Variants in MTUS2 observed in about 807,000 individuals in gnomAD.
The protein encoded by MTUS2 is microtubule-associated tumor suppressor candidate 2.
MTUS2 carries 40 observed loss-of-function variants against 114.1 expected under a neutral mutation model. That is an observed-to-expected ratio of 0.35 (90% CI 0.27 to 0.46). The LOEUF (loss-of-function observed/expected upper bound fraction) is 0.46. MTUS2 is among the 20% of genes least tolerant of loss of function. The probability of loss-of-function intolerance (pLI) is 1.00; values close to 1 mark genes in which losing one functional copy is unlikely to be tolerated. For synonymous variants in MTUS2, 688 were observed against 672.0 expected (o/e 1.02, Z -0.37); for missense variants, 1,679 against 1,705.4 (o/e 0.98, Z 0.27).
chr13:29,279,711 GTACATAGTTCCCTGA>G (rs1199854249), intron 5 of MTUS2, among the ~76,000 whole-genome samples: 3 of 152,182 alleles, frequency 2.0e-5, no homozygotes, highest in Admixed American at 6.5e-5. Context: ...TCAGAGGGAA[GTACATAGTTCCCTGA>G]TACTTGTACT....
rs142306606 is a variant in MTUS2, at chr13:29,143,349, T to A, written c.2644+42379T>A. ...ACAAGACAGATCTGTTTTCCTTTCA[T>A]TTTTTCTAAATTTGGTGCTCCATAT... On this transcript the variant is annotated intron_variant, in intron 5 of 15. Coordinates refer to ENST00000612955, the MANE Select transcript of MTUS2 (RefSeq NM_001033602.4). Among the ~76,000 whole-genome samples the A allele has an allele frequency of 8.3e-4, 126 of 152,346 alleles. 1 individual carries two copies. The highest frequency in any genetic ancestry group is 2.9e-3 in the African/African-American group (121 of 41,566).
In MTUS2 at chr13:29,503,404, T is replaced by A. The variant is rs1883042501; in HGVS notation, c.*198T>A. 1.6e-6 allele frequency: 1 copy of A among 616,168 alleles called. No individual in the cohort carries two copies. The highest frequency in any genetic ancestry group is 2.8e-6 in the Non-Finnish European group (1 of 351,966). The allele number at this position is 616,168 out of a possible 1,614,324, so 38.2% of individuals were successfully genotyped here. A position where few individuals can be genotyped will look rare whatever the true frequency, so the allele number is the denominator to read the frequency against. ...TTAGGAATGTGTAAATGGTAAAGTC[T>A]GATGTGCAAACGTTTTACCATAGTT... On this transcript the variant is annotated 3_prime_UTR_variant, in exon 16 of 16. Coordinates refer to ENST00000612955, the MANE Select transcript of MTUS2 (RefSeq NM_001033602.4).
At chr13:29,291,326 A>T (rs1898704612) in intron 6 of MTUS2, among the ~76,000 whole-genome samples, 1 of 152,226 alleles carries the variant, frequency 6.6e-6, no homozygotes, top group Non-Finnish European at 1.5e-5. Flanking sequence ...CGCCATGGAC[A>T]GTTCCTGAGT....
chr13:29,424,170 C>A (rs949480746), intron 8 of MTUS2, among the ~76,000 whole-genome samples: 5 of 151,828 alleles, frequency 3.3e-5, no homozygotes, highest in African/African-American at 1.2e-4. Flanking sequence ...GCCTGGCCAA[C>A]AATAATTTAT....
chr13:29,181,139 CT>C (rs1039619021), intron 5 of MTUS2, among the ~76,000 whole-genome samples: 17 of 152,048 alleles, frequency 1.1e-4, no homozygotes, highest in African/African-American at 4.1e-4. Context: ...GTGGGTGATG[CT>C]GTGAAACCAC....
At chr13:28,821,387 A>G (rs1222570806) in intron 1 of MTUS2, among the ~76,000 whole-genome samples, 3 of 152,246 alleles carry the variant, frequency 2.0e-5, no homozygotes, top group Admixed American at 6.5e-5. Context: ...ACTTATTGAT[A>G]AAAAGATCCT....
intron 5 of MTUS2, among the ~76,000 whole-genome samples, chr13:29,184,802 A>G (rs993674484): frequency 6.6e-6 from 1 of 152,224 alleles, no homozygotes. Flanking sequence ...TCTGATTTTC[A>G]AAATGCCAAT....
chr13:29,057,223 G>A (rs1888175785), intron 4 of MTUS2, among the ~76,000 whole-genome samples: 1 of 152,026 alleles, frequency 6.6e-6, no homozygotes, highest in South Asian at 2.1e-4. Flanking sequence ...CTGATTGTGT[G>A]GTCGATTTTA....
chr13:28,924,880 A>G (rs1350332416), intron 2 of MTUS2, among the ~76,000 whole-genome samples: 1 of 152,086 alleles, frequency 6.6e-6, no homozygotes, highest in Non-Finnish European at 1.5e-5. Flanking sequence ...TGAGATCTCT[A>G]CTAGATGGCG....
chr13:29,223,350 C>T (rs1360936526), intron 5 of MTUS2, among the ~76,000 whole-genome samples: 1 of 152,160 alleles, frequency 6.6e-6, no homozygotes, highest in Non-Finnish European at 1.5e-5. Flanking sequence ...CACTGTGGGC[C>T]TCCTCTTTGC....
intron 8 of MTUS2, among the ~76,000 whole-genome samples, chr13:29,421,101 G>A (rs542029430): frequency 6.6e-6 from 1 of 152,144 alleles, no homozygotes; most frequent in Admixed American, 6.5e-5. Flanking sequence ...TATATCAAAG[G>A]TGCTTCAGAG....
At chr13:29,308,760 A>T (rs1899604056) in intron 6 of MTUS2, among the ~76,000 whole-genome samples, 1 of 152,230 alleles carries the variant, frequency 6.6e-6, no homozygotes, top group Non-Finnish European at 1.5e-5. Context: ...TTCTCAAAAG[A>T]AGACATACAT....
intron 7 of MTUS2, among the ~76,000 whole-genome samples, chr13:29,351,014 G>A (rs1869219925): frequency 7.0e-6 from 1 of 142,658 alleles, no homozygotes; most frequent in South Asian, 2.3e-4. Flanking sequence ...TCAGTTCCTA[G>A]CAGCAGGGTA....
chr13:28,933,602 T>C (rs1440100899), intron 2 of MTUS2, among the ~76,000 whole-genome samples: 1 of 152,214 alleles, frequency 6.6e-6, no homozygotes, highest in African/African-American at 2.4e-5. Context: ...GGTTGCCTGC[T>C]CTATGATTGG....
In MTUS2 at chr13:29,324,677, A is replaced by G; in HGVS notation, c.2871A>G (p.Arg957=). The G allele has an allele frequency of 6.3e-7, 1 of 1,599,672 alleles. No homozygotes were observed. The highest frequency in any genetic ancestry group is 8.5e-7 in the Non-Finnish European group (1 of 1,172,796). Residue 957 remains arginine (R), a synonymous_variant, in exon 7 of 16, where the codon AGA becomes AGG. Transcript: ENST00000612955. The part of the protein sequence containing the change: ...TNKPAVSSPK[R]VAASTTKLHS... The stretch of plus-strand genomic sequence containing the variant: ...AACCTGCTGTTTCATCTCCTAAGAG[A>G]GTAGCAGCTTCAACCACCAAGCTTC...
At chr13:29,431,520 T>C (rs761646418) in intron 8 of MTUS2, among the ~76,000 whole-genome samples, 9 of 152,310 alleles carry the variant, frequency 5.9e-5, no homozygotes, top group Non-Finnish European at 8.8e-5. Flanking sequence ...GACTGGAGTA[T>C]AATTAAGTGA....
chr13:29,231,517 CA>C (rs1461121090), intron 5 of MTUS2, among the ~76,000 whole-genome samples: 2 of 152,180 alleles, frequency 1.3e-5, no homozygotes, highest in African/African-American at 4.8e-5. Context: ...ACTAATTCTT[CA>C]ATACCCTGAA....
intron 8 of MTUS2, among the ~76,000 whole-genome samples, chr13:29,377,371 A>G (rs1295539110): frequency 6.6e-6 from 1 of 152,170 alleles, no homozygotes; most frequent in Non-Finnish European, 1.5e-5. Context: ...CAAATTTAAA[A>G]CAATGAAATT....
chr13:29,203,052 T>A (rs1895028451), intron 5 of MTUS2, among the ~76,000 whole-genome samples: 1 of 152,240 alleles, frequency 6.6e-6, no homozygotes, highest in Admixed American at 6.5e-5. Flanking sequence ...GGAAATCTGC[T>A]GCAATCTTCA....
Sources: gnomAD v4.1 joint callset for allele counts (sites outside exome capture counted in the v4.1 genomes callset) on GRCh38, gnomAD v4.1.1 for gene constraint, MANE v1.5 for transcripts, NCBI Gene and HGNC (gene_info 2026-07-23, HGNC 2026-07-21) for gene names.